The following PDE8B variants were observed in gnomAD, a reference collection of about 807,000 sequenced individuals.
The protein encoded by PDE8B is high affinity cAMP-specific and IBMX-insensitive 3',5'-cyclic phosphodiesterase 8B.
A neutral mutation model predicts 101.3 loss-of-function variants in PDE8B; 26 were observed. That is an observed-to-expected ratio of 0.26 (90% confidence interval 0.19 to 0.36). The LOEUF is 0.36. Among genes scored for constraint, PDE8B ranks in the 10% least tolerant of loss-of-function variants. The probability of loss-of-function intolerance (pLI) is 1.00; values close to 1 mark genes in which losing one functional copy is unlikely to be tolerated. For missense variants in PDE8B, 810 were observed against 1,163.1 expected (o/e 0.70, Z 4.42); for synonymous variants, 424 against 429.3 (o/e 0.99, Z 0.15).
intron 1 of PDE8B, among the ~76,000 whole-genome samples, chr5:77,220,351 C>T (rs1750839732): frequency 6.6e-6 from 1 of 152,164 alleles, no homozygotes; most frequent in Admixed American, 6.5e-5. Flanking sequence ...TCCCTACGGG[C>T]AGTGGTAGAG....
chr5:77,193,336 T>C, the PDE8B span, among the ~76,000 whole-genome samples: 1 of 152,198 alleles, frequency 6.6e-6, no homozygotes, highest in African/African-American at 2.4e-5. Context: ...TATTCATGTA[T>C]GGTGTAAAGT....
chr5:77,233,654 CTGTGTG>C (rs72346580), intron 1 of PDE8B, among the ~76,000 whole-genome samples: 1,586 of 138,304 alleles, frequency 0.011, 15 homozygotes, highest in African/African-American at 0.029. Flanking sequence ...CCCTGAAGCT[CTGTGTG>C]TGTGTGTGTG....
At chr5:77,294,690 C>G (rs1250383822) in intron 1 of PDE8B, among the ~76,000 whole-genome samples, 1 of 149,438 alleles carries the variant, frequency 6.7e-6, no homozygotes, top group African/African-American at 2.5e-5. Context: ...GAAGGTCGAA[C>G]TGGAAGAAAT....
chr5:77,260,979 A>G (rs1760459087), intron 1 of PDE8B, among the ~76,000 whole-genome samples: 1 of 152,166 alleles, frequency 6.6e-6, no homozygotes, highest in African/African-American at 2.4e-5. Flanking sequence ...GACTGTTCTA[A>G]TACCGGCTGA....
the PDE8B span, chr5:77,113,213 G>A: frequency 1.3e-5 from 2 of 152,260 alleles, no homozygotes; most frequent in South Asian, 4.1e-4. Flanking sequence ...GCATTGCCAA[G>A]ACAATCCTAA....
At chr5:77,422,394 TAG>T (rs993420786) in intron 20 of PDE8B, among the ~76,000 whole-genome samples, 1 of 152,138 alleles carries the variant, frequency 6.6e-6, no homozygotes, top group African/African-American at 2.4e-5. Context: ...GGGAGAGATG[TAG>T]ATAGGTCCAC....
At chr5:77,372,358 G>A (rs1455841148) in intron 10 of PDE8B, among the ~76,000 whole-genome samples, 1 of 152,164 alleles carries the variant, frequency 6.6e-6, no homozygotes, top group Non-Finnish European at 1.5e-5. Flanking sequence ...TATTTAGGAT[G>A]GAATCTTGGT....
At chr5:77,357,702 C>T (rs1015891206) in intron 10 of PDE8B, among the ~76,000 whole-genome samples, 2 of 152,358 alleles carry the variant, frequency 1.3e-5, no homozygotes, top group African/African-American at 2.4e-5. Context: ...CCCCTGAACC[C>T]ACAAGGACCC....
chr5:77,306,568 G>A lies in PDE8B; in HGVS notation c.340-5426G>A, dbSNP rs6860861. On this transcript the variant is annotated intron_variant, in intron 1 of 21. Transcript: ENST00000264917. ...GTTGGAGCAGGCCCTTGAAGGATGC[G>A]TTAGCTGCTGAGGCAGGAAAGGGCT... Among the ~76,000 whole-genome samples, 394 of 152,302 alleles carry A rather than the reference G, an allele frequency of 2.6e-3. 1 individual carries two copies. Among genetic ancestry groups the A allele is most frequent in the African/African-American group, 8.9e-3 (372 of 41,584 alleles).
chr5:77,409,145 C>T, intron 14 of PDE8B, 88 bp downstream of exon 14: 2 of 1,107,354 alleles, frequency 1.8e-6, no homozygotes, highest in Non-Finnish European at 2.7e-6. Flanking sequence ...CCTGTGGTTG[C>T]AGAAGTACCT....
In PDE8B at chr5:77,426,479, G is replaced by T. The variant is rs1277402010; in HGVS notation, c.2583G>T (p.Leu861Phe). 1 of 1,613,454 alleles carries T rather than the reference G, an allele frequency of 6.2e-7. No homozygotes were observed. The highest frequency in any genetic ancestry group is 1.3e-5 in the African/African-American group (1 of 74,858). Residue 861 changes from leucine to phenylalanine, a missense_variant, in exon 22 of 22, where the codon TTG becomes TTT. Transcript: ENST00000264917. ...FAHLPALMQH[L>F]ADNYKHWKTL... ...ATCTGCCAGCCCTGATGCAACATTT[G>T]GCTGACAACTACAAACACTGGAAGA...
At chr5:77,170,128 G>A in the PDE8B span, among the ~76,000 whole-genome samples, 1 of 152,148 alleles carries the variant, frequency 6.6e-6, no homozygotes, top group East Asian at 1.9e-4. Flanking sequence ...CCTAAGAGCA[G>A]TTTTGGGCAT....
the PDE8B span, among the ~76,000 whole-genome samples, chr5:77,095,091 C>T: frequency 4.5e-3 from 687 of 152,230 alleles, 3 homozygotes; most frequent in Non-Finnish European, 7.2e-3. Context: ...AAAAAATTGC[C>T]CTTGTTTGAT....
intron 1 of PDE8B, among the ~76,000 whole-genome samples, chr5:77,267,536 T>C (rs1249177715): frequency 6.6e-6 from 1 of 152,102 alleles, no homozygotes; most frequent in Non-Finnish European, 1.5e-5. Context: ...CTCCCTGTGC[T>C]GGAAGGGGGC....
In PDE8B at chr5:77,409,111, G is replaced by A; in HGVS notation, c.1530+54G>A. On this transcript the variant is annotated intron_variant, in intron 14 of 21. Transcript: ENST00000264917. ...AAGAGAGGTATCCGGGGCCTCTAGA[G>A]TGCAGCTGATGTGGAAACTGTTACC... The A allele has an allele frequency of 2.7e-6, 4 of 1,483,686 alleles. No individual in the cohort carries two copies. In the South Asian group the frequency reaches 3.4e-5, roughly 13 times the overall value. The allele number at this position is 1,483,686 out of a possible 1,614,324, so 91.9% of individuals were successfully genotyped here.
intron 10 of PDE8B, among the ~76,000 whole-genome samples, chr5:77,387,643 TCTC>T (rs199980681): frequency 0.087 from 13,225 of 152,146 alleles, 984 homozygotes; most frequent in African/African-American, 0.19. Context: ...TTGGGGAAGT[TCTC>T]CTGGATAATA....
chr5:77,215,359 T>C (rs1024469605), intron 1 of PDE8B, among the ~76,000 whole-genome samples: 2 of 152,224 alleles, frequency 1.3e-5, no homozygotes, highest in African/African-American at 4.8e-5. Context: ...TTTAATAAGC[T>C]CAAATGAGTC....
intron 1 of PDE8B, among the ~76,000 whole-genome samples, chr5:77,215,939 G>T (rs965872773): frequency 1.3e-5 from 2 of 152,164 alleles, no homozygotes; most frequent in African/African-American, 4.8e-5. Context: ...TGAGACTTCT[G>T]ATTGGGGAAT....
chr5:77,324,789 T>C (rs1274221394), intron 2 of PDE8B, among the ~76,000 whole-genome samples: 1 of 152,260 alleles, frequency 6.6e-6, no homozygotes, highest in Admixed American at 6.5e-5. Context: ...CAAATACCAC[T>C]TGCAACTGGA....
Sources: allele counts gnomAD v4.1 joint callset (sites outside exome capture counted in the v4.1 genomes callset), GRCh38; gene constraint gnomAD v4.1.1; transcripts MANE v1.5; gene names NCBI Gene and HGNC (gene_info 2026-07-23, HGNC 2026-07-21).